ADGRB3: variants seen among roughly 807,000 people sequenced by gnomAD.
The protein encoded by ADGRB3 is brain-specific angiogenesis inhibitor 3.
Under a neutral mutation model 193.4 loss-of-function variants are expected in ADGRB3, and 37 were observed. That is an observed-to-expected ratio of 0.19 (90% CI 0.15 to 0.25). The LOEUF (loss-of-function observed/expected upper bound fraction) is 0.25, where lower values mean the gene tolerates loss of function less well. Ranked by LOEUF, ADGRB3 falls within the 10% of genes least tolerant of loss-of-function variation. ADGRB3 has a pLI of 1.00. For missense variants in ADGRB3, 1,637 were observed against 1,852.9 expected, an observed-to-expected ratio of 0.88 and a Z score of 2.14; for synonymous variants, 690 against 644.2, an observed-to-expected ratio of 1.07 and a Z score of -1.08.
chr6:69,039,035 A>G (rs987365889), intron 13 of ADGRB3, among the ~76,000 whole-genome samples: 1 of 152,174 alleles, frequency 6.6e-6, no homozygotes, highest in Non-Finnish European at 1.5e-5. Flanking sequence ...TTTGATTGGC[A>G]TGCCCACACT....
chr6:69,205,394 CTTTT>C (rs10715013), intron 17 of ADGRB3, among the ~76,000 whole-genome samples: 1 of 146,758 alleles, frequency 6.8e-6, no homozygotes. Context: ...AATAAAAGAC[CTTTT>C]TTTTTTTTTT....
intron 17 of ADGRB3, among the ~76,000 whole-genome samples, chr6:69,100,932 G>A (rs1161408395): frequency 9.8e-4 from 8 of 8,126 alleles, no homozygotes; most frequent in African/African-American, 2.6e-3. Flanking sequence ...GAAGGAGGGA[G>A]GGAGGGAAGG....
intron 3 of ADGRB3, among the ~76,000 whole-genome samples, chr6:68,821,217 T>C (rs1024176644): frequency 2.6e-5 from 4 of 152,062 alleles, no homozygotes; most frequent in African/African-American, 9.6e-5. Context: ...TTTTACCATG[T>C]CTTGCAGCAG....
rs1768028005 is a variant in ADGRB3 at position 68,639,385 on chromosome 6, C to T, written c.710C>T (p.Thr237Ile). Reference protein sequence around the residue: ...EGCLTQELQTTQVCNLTREAK... With the variant: ...EGCLTQELQTIQVCNLTREAK... Reference sequence around the variant, plus strand: ...TGCCTGACCCAGGAGCTGCAAACCACCCAAGTCTGCAATCTTACCAGGGAG... The same window carrying T: ...TGCCTGACCCAGGAGCTGCAAACCATCCAAGTCTGCAATCTTACCAGGGAG... The change falls in exon 3 of 32, where the codon ACC becomes ATC. Residue 237 changes from threonine (T) to isoleucine (I), a missense_variant. By Grantham distance (89) the Thr-to-Ile change is moderately conservative (BLOSUM62 -1). Around this residue, in one of 7 missense-constraint regions of ADGRB3, gnomAD observed 365 missense variants for 409.8 expected, o/e 0.89. Coordinates refer to ENST00000370598, the MANE Select transcript of ADGRB3 (RefSeq NM_001704.3). 1.2e-6 allele frequency: 2 copies of T among 1,613,396 alleles called. No individual in the cohort carries two copies. Among genetic ancestry groups the T allele is most frequent in the South Asian group, 1.1e-5 (1 of 91,026 alleles).
At chr6:69,058,594 C>T (rs1448662509) in intron 15 of ADGRB3, among the ~76,000 whole-genome samples, 1 of 151,758 alleles carries the variant, frequency 6.6e-6, no homozygotes. Context: ...ATAAACTTCC[C>T]TCTTAGTACC....
chr6:68,818,733 G>C (rs1199157168), intron 3 of ADGRB3, among the ~76,000 whole-genome samples: 1 of 151,948 alleles, frequency 6.6e-6, no homozygotes. Context: ...CTTATCCTTA[G>C]ATAGTCCCAA....
At chr6:68,866,539 C>G (rs1232396755) in intron 3 of ADGRB3, among the ~76,000 whole-genome samples, 2 of 152,218 alleles carry the variant, frequency 1.3e-5, no homozygotes, top group South Asian at 2.1e-4. Flanking sequence ...AAAGATACCT[C>G]AAAATGTGGA....
intron 3 of ADGRB3, among the ~76,000 whole-genome samples, chr6:68,837,376 C>T (rs1015936263): frequency 5.3e-5 from 8 of 152,106 alleles, no homozygotes; most frequent in Non-Finnish European, 1.2e-4. Flanking sequence ...TCTTCCATTA[C>T]AATTAATTTT....
At chr6:68,920,512 CAAAAAAAAAA>C (rs5877180) in intron 3 of ADGRB3, among the ~76,000 whole-genome samples, 2 of 68,916 alleles carry the variant, frequency 2.9e-5, no homozygotes, top group Admixed American at 2.0e-4. Context: ...GACTCTGTAT[CAAAAAAAAAA>C]AAAAAAAAAA....
chr6:69,080,699 C>A (rs1009811786), intron 17 of ADGRB3, among the ~76,000 whole-genome samples: 2 of 151,792 alleles, frequency 1.3e-5, no homozygotes, highest in Non-Finnish European at 2.9e-5. Flanking sequence ...CAATGTATAG[C>A]CATCATTCCA....
intron 28 of ADGRB3, among the ~76,000 whole-genome samples, chr6:69,359,889 A>G (rs1561998615): frequency 6.6e-6 from 1 of 151,930 alleles, no homozygotes; most frequent in Non-Finnish European, 1.5e-5. Flanking sequence ...ATTCATTTGT[A>G]TCCTCAAAAC....
At chr6:68,745,717 T>TAC (rs1766070206) in intron 3 of ADGRB3, among the ~76,000 whole-genome samples, 1 of 151,856 alleles carries the variant, frequency 6.6e-6, no homozygotes, top group Non-Finnish European at 1.5e-5. Flanking sequence ...TGTATATTTG[T>TAC]ATATTTAGAA....
intron 17 of ADGRB3, among the ~76,000 whole-genome samples, chr6:69,114,988 C>T (rs1428043200): frequency 1.3e-5 from 2 of 152,188 alleles, no homozygotes; most frequent in Non-Finnish European, 2.9e-5. Flanking sequence ...CGCTTTTACA[C>T]TGTTGGTGGG....
At chr6:69,023,410 G>T (rs1415417680) in intron 13 of ADGRB3, among the ~76,000 whole-genome samples, 1 of 152,092 alleles carries the variant, frequency 6.6e-6, no homozygotes, top group Non-Finnish European at 1.5e-5. Flanking sequence ...TTGAAGAATG[G>T]CTGGATTATT....
At chr6:69,011,075 A>G (rs992985671) in intron 11 of ADGRB3, among the ~76,000 whole-genome samples, 14 of 151,046 alleles carry the variant, frequency 9.3e-5, no homozygotes, top group East Asian at 1.9e-4. Flanking sequence ...CTGATAGTTT[A>G]GTAAATGTCA....
chr6:69,360,788 G>A, intron 28 of ADGRB3, 81 bp from the exon 29 acceptor site: 1 of 1,364,424 alleles, frequency 7.3e-7, no homozygotes, highest in Non-Finnish European at 1.0e-6. Context: ...ATGTTTAGTA[G>A]AAAGCGAGAC....
At chr6:68,806,266 C>A (rs931204312) in intron 3 of ADGRB3, among the ~76,000 whole-genome samples, 1 of 152,126 alleles carries the variant, frequency 6.6e-6, no homozygotes, top group African/African-American at 2.4e-5. Context: ...TGCTCCATTC[C>A]AGATAACTTT....
chr6:69,059,570 G>A (rs1771659755), intron 15 of ADGRB3, among the ~76,000 whole-genome samples: 2 of 152,056 alleles, frequency 1.3e-5, no homozygotes, highest in South Asian at 4.1e-4. Context: ...TTTATTATTT[G>A]AGTCATGAAA....
intron 12 of ADGRB3, among the ~76,000 whole-genome samples, chr6:69,014,980 T>C (rs1271111008): frequency 6.6e-6 from 1 of 151,900 alleles, no homozygotes; most frequent in Non-Finnish European, 1.5e-5. Flanking sequence ...GGCTGCCTCA[T>C]TATTAGATAT....
Sources: gnomAD v4.1 joint callset for allele counts (sites outside exome capture counted in the v4.1 genomes callset) on GRCh38, gnomAD v4.1.1 for gene constraint, gnomAD v4.1.1 regional missense constraint, MANE v1.5 for transcripts, NCBI Gene and HGNC (gene_info 2026-07-23, HGNC 2026-07-21) for gene names.